Variants in CDK14 observed in about 807,000 individuals in gnomAD.
CDK14 encodes the protein cyclin-dependent kinase 14.
CDK14 carries 34 observed loss-of-function variants against 60.7 expected under a neutral mutation model. That is an observed-to-expected ratio of 0.56 (90% CI 0.43 to 0.75). The LOEUF (loss-of-function observed/expected upper bound fraction) is 0.75, where lower values mean the gene tolerates loss of function less well. CDK14 is among the 30% of genes least tolerant of loss of function. The pLI, the probability that CDK14 is intolerant of heterozygous loss-of-function variation, is 0.00. For missense variants in CDK14, 482 were observed against 564.1 expected, an observed-to-expected ratio of 0.85 and a Z score of 1.47; for synonymous variants, 197 against 203.7, an observed-to-expected ratio of 0.97 and a Z score of 0.28.
intron 1 of CDK14, among the ~76,000 whole-genome samples, chr7:90,598,585 C>T (rs1405246606): frequency 6.6e-6 from 1 of 151,934 alleles, no homozygotes; most frequent in African/African-American, 2.4e-5. Context: ...AGTTGTATAC[C>T]AAGCCAACGA....
At chr7:91,134,240 A>G (rs1800202099) in intron 14 of CDK14, among the ~76,000 whole-genome samples, 3 of 152,104 alleles carry the variant, frequency 2.0e-5, no homozygotes, top group Admixed American at 1.3e-4. Flanking sequence ...AGCCATGACT[A>G]TTTTCCAGTT....
At chr7:90,597,537 C>G (rs761646039) in intron 1 of CDK14, among the ~76,000 whole-genome samples, 1 of 152,068 alleles carries the variant, frequency 6.6e-6, no homozygotes, top group African/African-American at 2.4e-5. Flanking sequence ...TAGCTGCCTC[C>G]CCTACTGTCA....
chr7:90,812,743 T>G (rs1205050804), intron 5 of CDK14, among the ~76,000 whole-genome samples: 1 of 152,186 alleles, frequency 6.6e-6, no homozygotes, highest in Non-Finnish European at 1.5e-5. Context: ...AGTATAACGG[T>G]TATAATTGAG....
At chr7:90,730,800 G>A (rs769449850) in intron 3 of CDK14, among the ~76,000 whole-genome samples, 4 of 152,186 alleles carry the variant, frequency 2.6e-5, no homozygotes, top group Non-Finnish European at 4.4e-5. Flanking sequence ...CCATTCTGGA[G>A]TTTGCCTGTT....
chr7:90,995,140 C>G (rs565562080), intron 10 of CDK14, among the ~76,000 whole-genome samples: 15 of 152,262 alleles, frequency 9.9e-5, no homozygotes, highest in African/African-American at 3.6e-4. Context: ...GATGGGATAT[C>G]ACTTCTGAGA....
At chr7:90,793,903 C>G (rs1428364727) in intron 5 of CDK14, among the ~76,000 whole-genome samples, 1 of 152,168 alleles carries the variant, frequency 6.6e-6, no homozygotes, top group Non-Finnish European at 1.5e-5. Flanking sequence ...TTGGCCCTTT[C>G]AATAAAAGTT....
At chr7:90,934,193 C>T (rs1793684277) in intron 8 of CDK14, among the ~76,000 whole-genome samples, 1 of 152,252 alleles carries the variant, frequency 6.6e-6, no homozygotes, top group Admixed American at 6.5e-5. Flanking sequence ...GTTTCTCTGG[C>T]CTCCTATCAG....
intron 14 of CDK14, among the ~76,000 whole-genome samples, chr7:91,206,776 A>G (rs1360194772): frequency 2.6e-5 from 4 of 152,196 alleles, no homozygotes; most frequent in African/African-American, 2.4e-5. Context: ...TCATGTTCAT[A>G]AAAATGAACA....
In CDK14 at chr7:90,746,640, G is replaced by T. The variant is rs115785297; in HGVS notation, c.370-1041G>T. 6.7e-3 allele frequency among the ~76,000 whole-genome samples: 1,024 copies of T among 152,226 alleles called. 18 individuals are homozygous for T. The highest frequency in any genetic ancestry group is 0.024 in the African/African-American group (991 of 41,524). On this transcript the variant is annotated intron_variant, in intron 3 of 14. Transcript: ENST00000380050. ...TAGCAACAGTATAATAATAGATCAT[G>T]TCTTATTGAAATAGAAGGTGAATGC...
intron 7 of CDK14, among the ~76,000 whole-genome samples, chr7:90,906,901 T>A (rs898470517): frequency 1.3e-5 from 2 of 152,118 alleles, no homozygotes; most frequent in Admixed American, 1.3e-4. Context: ...TGGAATAGAC[T>A]CATTTTAAAA....
chr7:90,801,497 T>A, intron 5 of CDK14, among the ~76,000 whole-genome samples: 1 of 152,242 alleles, frequency 6.6e-6, no homozygotes, highest in Middle Eastern at 3.4e-3. Flanking sequence ...ACATTGGTAG[T>A]TAGTCTGGGA....
intron 9 of CDK14, among the ~76,000 whole-genome samples, chr7:90,973,441 A>G (rs1169015764): frequency 2.0e-5 from 3 of 152,168 alleles, no homozygotes; most frequent in Admixed American, 6.6e-5. Flanking sequence ...ACATGGATGC[A>G]ATAAAAAAAC....
At chr7:90,722,052 T>C (rs1172063637) in intron 2 of CDK14, among the ~76,000 whole-genome samples, 2 of 152,088 alleles carry the variant, frequency 1.3e-5, no homozygotes, top group Non-Finnish European at 2.9e-5. Flanking sequence ...TTTCTCTTCA[T>C]GCACTCTGGA....
chr7:90,764,149 C>A (rs1384577474), intron 4 of CDK14, among the ~76,000 whole-genome samples: 1 of 152,094 alleles, frequency 6.6e-6, no homozygotes, highest in African/African-American at 2.4e-5. Context: ...ATCTGTAATG[C>A]AGATTTGTGA....
intron 2 of CDK14, among the ~76,000 whole-genome samples, chr7:90,690,401 T>C (rs1801529958): frequency 6.6e-6 from 1 of 152,204 alleles, no homozygotes; most frequent in African/African-American, 2.4e-5. Flanking sequence ...GGATTAAAAA[T>C]AGTACCTGCC....
At chr7:90,844,108 C>A (rs918691018) in intron 5 of CDK14, among the ~76,000 whole-genome samples, 16 of 152,126 alleles carry the variant, frequency 1.1e-4, no homozygotes, top group African/African-American at 3.9e-4. Context: ...AGAGCAATAA[C>A]ATGCCTTGCA....
At chr7:90,821,538 A>G (rs541362710) in intron 5 of CDK14, among the ~76,000 whole-genome samples, 1 of 152,190 alleles carries the variant, frequency 6.6e-6, no homozygotes, top group African/African-American at 2.4e-5. Context: ...AACTCACCCC[A>G]TGAGAGGAGG....
At chr7:90,812,141 C>G (rs542816722) in intron 5 of CDK14, among the ~76,000 whole-genome samples, 37 of 152,332 alleles carry the variant, frequency 2.4e-4, no homozygotes, top group African/African-American at 8.4e-4. Flanking sequence ...GATTATAAAA[C>G]ATGCTGTTAT....
intron 2 of CDK14, among the ~76,000 whole-genome samples, chr7:90,713,757 A>C (rs906843744): frequency 6.6e-6 from 1 of 151,946 alleles, no homozygotes; most frequent in Non-Finnish European, 1.5e-5. Flanking sequence ...GAAAGACAAT[A>C]CAGTGGTCAA....
Sources: allele counts gnomAD v4.1 joint callset (sites outside exome capture counted in the v4.1 genomes callset), GRCh38; gene constraint gnomAD v4.1.1; transcripts MANE v1.5; gene names NCBI Gene and HGNC (gene_info 2026-07-23, HGNC 2026-07-21).